MIR2052HG: variants seen among roughly 807,000 people sequenced by gnomAD.
MIR2052HG encodes the protein MIR2052 host gene.
At chr8:74,689,202 A>G (rs1375406542) in intron 2 of MIR2052HG, among the ~76,000 whole-genome samples, 1 of 152,200 alleles carries the variant, frequency 6.6e-6, no homozygotes, top group African/African-American at 2.4e-5. Context: ...CGTTTGGGAC[A>G]ATAGAGAGAA....
chr8:74,607,746 T>C (rs1405374793), intron 1 of MIR2052HG, among the ~76,000 whole-genome samples: 2 of 152,236 alleles, frequency 1.3e-5, no homozygotes, highest in African/African-American at 4.8e-5. Context: ...AGTCACTCAC[T>C]GCTCATGGAG....
At chr8:74,729,658 T>C (rs968715260) in intron 4 of MIR2052HG, among the ~76,000 whole-genome samples, 1 of 152,134 alleles carries the variant, frequency 6.6e-6, no homozygotes, top group Non-Finnish European at 1.5e-5. Context: ...AGGAACATGA[T>C]AGAAAATAGA....
intron 2 of MIR2052HG, among the ~76,000 whole-genome samples, chr8:74,613,779 G>T (rs887510627): frequency 1.3e-5 from 2 of 152,196 alleles, no homozygotes; most frequent in African/African-American, 4.8e-5. Flanking sequence ...AAGCTGCCAT[G>T]CCTGGCCTGC....
intron 2 of MIR2052HG, among the ~76,000 whole-genome samples, chr8:74,625,794 C>A (rs1280218242): frequency 6.6e-6 from 1 of 152,126 alleles, no homozygotes; most frequent in Non-Finnish European, 1.5e-5. Flanking sequence ...AAGATTCTTG[C>A]AATAATATAA....
chr8:74,736,106 C>A (rs1809742267), intron 4 of MIR2052HG, among the ~76,000 whole-genome samples: 1 of 152,002 alleles, frequency 6.6e-6, no homozygotes, highest in Non-Finnish European at 1.5e-5. Context: ...GTTCATAAAC[C>A]CACAAGCAGA....
At chr8:74,607,112 G>C (rs927041213) in intron 1 of MIR2052HG, among the ~76,000 whole-genome samples, 2 of 147,532 alleles carry the variant, frequency 1.4e-5, no homozygotes, top group African/African-American at 2.5e-5. Flanking sequence ...CCCACACAGA[G>C]TAAAACTTAA....
At chr8:74,709,289 AT>A (rs952349378) in intron 4 of MIR2052HG, among the ~76,000 whole-genome samples, 1 of 152,164 alleles carries the variant, frequency 6.6e-6, no homozygotes, top group African/African-American at 2.4e-5. Flanking sequence ...TAAACTCCAG[AT>A]GTGTTGAGCA....
chr8:74,682,731 G>C (rs369191363), intron 2 of MIR2052HG, among the ~76,000 whole-genome samples: 1 of 152,238 alleles, frequency 6.6e-6, no homozygotes, highest in East Asian at 1.9e-4. Flanking sequence ...TTTTCTGCAT[G>C]AGCTACAACC....
intron 4 of MIR2052HG, among the ~76,000 whole-genome samples, chr8:74,742,883 T>A (rs1490757109): frequency 2.0e-5 from 3 of 151,900 alleles, no homozygotes; most frequent in Non-Finnish European, 4.4e-5. Context: ...TGACTCAGAG[T>A]TTGAGCTACA....
At chr8:74,649,858 C>T (rs760849373) in intron 2 of MIR2052HG, among the ~76,000 whole-genome samples, 6 of 151,906 alleles carry the variant, frequency 3.9e-5, no homozygotes, top group Non-Finnish European at 5.9e-5. Flanking sequence ...TTTCAAAGAA[C>T]TCTACATCTA....
At chr8:74,651,892 G>A (rs1338057660) in intron 2 of MIR2052HG, among the ~76,000 whole-genome samples, 2 of 152,122 alleles carry the variant, frequency 1.3e-5, no homozygotes, top group Non-Finnish European at 1.5e-5. Context: ...GCTATTTCAG[G>A]GTTTAATAAG....
At chr8:74,684,429 G>C (rs269184) in intron 2 of MIR2052HG, among the ~76,000 whole-genome samples, 63,557 of 151,904 alleles carry the variant, frequency 0.42, 17,555 homozygotes, top group African/African-American at 0.79. Context: ...TATAGCAAAT[G>C]TCAACATTTA....
chr8:74,694,299 A>T (rs1298274850), intron 2 of MIR2052HG, among the ~76,000 whole-genome samples: 1 of 152,206 alleles, frequency 6.6e-6, no homozygotes, highest in Non-Finnish European at 1.5e-5. Flanking sequence ...CCCCATTCCT[A>T]GGGGAAGGGG....
At chr8:74,609,331 AC>A (rs1808157411) in intron 1 of MIR2052HG, among the ~76,000 whole-genome samples, 1 of 151,966 alleles carries the variant, frequency 6.6e-6, no homozygotes, top group East Asian at 1.9e-4. Context: ...GAAACTTTAG[AC>A]CCAGATGCTT....
rs71565406 is a variant in MIR2052HG, at chr8:74,679,521, C to CTATTATTAT, written n.217-22823_217-22815dup. Among the ~76,000 whole-genome samples the CTATTATTAT allele has an allele frequency of 6.0e-3, 853 of 141,992 alleles. 2 individuals carry two copies. Among genetic ancestry groups the CTATTATTAT allele is most frequent in the Middle Eastern group, 0.011 (3 of 274 alleles). The allele number at this position is 141,992 out of a possible 152,430, so 93.2% of individuals were successfully genotyped here. ...GGTTGATAGGCATTTGGCTTGTTTA[C>CTATTATTAT]TATTATTATTATTATTATTATTATT... On this transcript the variant is annotated intron_variant and non_coding_transcript_variant, in intron 2 of 6. Coordinates refer to ENST00000523442, the Ensembl canonical transcript of MIR2052HG.
intron 2 of MIR2052HG, among the ~76,000 whole-genome samples, chr8:74,638,377 A>G (rs1246257107): frequency 1.3e-5 from 2 of 152,190 alleles, no homozygotes; most frequent in East Asian, 1.9e-4. Flanking sequence ...ATGAAAACCA[A>G]TGAAGGGTTT....
intron 4 of MIR2052HG, among the ~76,000 whole-genome samples, chr8:74,737,215 A>G (rs1053147312): frequency 6.6e-6 from 1 of 152,154 alleles, no homozygotes; most frequent in Non-Finnish European, 1.5e-5. Flanking sequence ...GACCTCTGTA[A>G]CCTCACTTCA....
chr8:74,624,181 C>T (rs1485934130), intron 2 of MIR2052HG, among the ~76,000 whole-genome samples: 2 of 152,166 alleles, frequency 1.3e-5, no homozygotes, highest in Non-Finnish European at 1.5e-5. Context: ...GAACAATTAG[C>T]CACAAACTGT....
At chr8:74,752,367 A>C in intron 4 of MIR2052HG, 1 of 420,832 alleles carries the variant, frequency 2.4e-6, no homozygotes, top group Non-Finnish European at 4.7e-6. Context: ...CAATTAAAAG[A>C]ATTTGATAAT....
Sources: gnomAD v4.1 joint callset for allele counts (sites outside exome capture counted in the v4.1 genomes callset) on GRCh38, gnomAD v4.1.1 for gene constraint, MANE v1.5 for transcripts, NCBI Gene and HGNC (gene_info 2026-07-23, HGNC 2026-07-21) for gene names.